CDH12: variants seen among roughly 807,000 people sequenced by gnomAD.
CDH12 encodes cadherin 12.
CDH12 carries 41 observed loss-of-function variants against 74.1 expected under a neutral mutation model. That is an observed-to-expected ratio of 0.55 (90% CI 0.43 to 0.72). CDH12 has a LOEUF of 0.72. Among genes scored for constraint, CDH12 ranks in the 30% least tolerant of loss-of-function variants. The pLI, the probability that CDH12 is intolerant of heterozygous loss-of-function variation, is 0.00. For missense variants in CDH12, 945 were observed against 977.2 expected (o/e 0.97, Z 0.44); for synonymous variants, 399 against 355.0 (o/e 1.12, Z -1.39).
At chr5:22,773,770 CTATA>C (rs1409566047) in intron 1 of CDH12, among the ~76,000 whole-genome samples, 1 of 151,960 alleles carries the variant, frequency 6.6e-6, no homozygotes, top group Non-Finnish European at 1.5e-5. Flanking sequence ...TATCCAGAAT[CTATA>C]AGGAATGTAA....
chr5:22,362,702 C>A (rs1234978446), intron 3 of CDH12, among the ~76,000 whole-genome samples: 3 of 151,732 alleles, frequency 2.0e-5, no homozygotes, highest in Non-Finnish European at 2.9e-5. Context: ...CAATGATAGA[C>A]TGGATTAAGA....
chr5:21,841,957 A>T (rs1313321881), intron 8 of CDH12, among the ~76,000 whole-genome samples: 1 of 151,464 alleles, frequency 6.6e-6, no homozygotes, highest in Admixed American at 6.6e-5. Context: ...ATGTATACAT[A>T]TGTAACTAAC....
intron 1 of CDH12, among the ~76,000 whole-genome samples, chr5:22,761,528 G>A (rs770979761): frequency 3.3e-5 from 5 of 152,186 alleles, no homozygotes; most frequent in African/African-American, 9.6e-5. Flanking sequence ...AAGCAGTAAC[G>A]TCTGCTCTTT....
intron 2 of CDH12, among the ~76,000 whole-genome samples, chr5:22,450,047 A>C (rs1744981452): frequency 6.6e-6 from 1 of 152,092 alleles, no homozygotes; most frequent in Non-Finnish European, 1.5e-5. Context: ...AAACACTCTT[A>C]GCAACTTTCC....
chr5:22,741,502 T>A (rs1258041531), intron 1 of CDH12, among the ~76,000 whole-genome samples: 1 of 152,196 alleles, frequency 6.6e-6, no homozygotes, highest in East Asian at 1.9e-4. Context: ...GTTGTTGTTT[T>A]TAATTCTGAA....
chr5:22,587,977 TC>T (rs1445370126), intron 1 of CDH12, among the ~76,000 whole-genome samples: 1 of 148,668 alleles, frequency 6.7e-6, no homozygotes, highest in Non-Finnish European at 1.5e-5. Flanking sequence ...ATATATAATC[TC>T]CATACATATA....
intron 1 of CDH12, among the ~76,000 whole-genome samples, chr5:22,558,698 A>G (rs1215723236): frequency 6.6e-6 from 1 of 152,070 alleles, no homozygotes; most frequent in East Asian, 1.9e-4. Context: ...GAAATAAAAA[A>G]ATAAGTCTCC....
chr5:21,756,145 TA>T (rs1314881167), intron 13 of CDH12, among the ~76,000 whole-genome samples: 9 of 152,086 alleles, frequency 5.9e-5, no homozygotes, highest in Admixed American at 6.6e-5. Context: ...GCAATCTCAT[TA>T]AAAAATAGTT....
chr5:22,453,866 G>A (rs557206844), intron 2 of CDH12, among the ~76,000 whole-genome samples: 1 of 151,940 alleles, frequency 6.6e-6, no homozygotes, highest in South Asian at 2.1e-4. Flanking sequence ...TTATTACTAA[G>A]TAATCGATTA....
chr5:22,637,566 G>T (rs1738905841), intron 1 of CDH12, among the ~76,000 whole-genome samples: 1 of 152,232 alleles, frequency 6.6e-6, no homozygotes, highest in Non-Finnish European at 1.5e-5. Context: ...ACAGTAAATT[G>T]CCCAGACAGA....
chr5:21,943,426 T>C (rs1295994512), intron 6 of CDH12, among the ~76,000 whole-genome samples: 3 of 152,144 alleles, frequency 2.0e-5, no homozygotes, highest in Non-Finnish European at 4.4e-5. Flanking sequence ...TTTTTTTCCA[T>C]GGAATAAGTA....
intron 5 of CDH12, among the ~76,000 whole-genome samples, chr5:22,030,451 T>C (rs1738737632): frequency 6.6e-6 from 1 of 152,096 alleles, no homozygotes. Flanking sequence ...AGCAGTAATA[T>C]TTTGATAGGA....
At chr5:22,012,067 T>C (rs1451134721) in intron 5 of CDH12, among the ~76,000 whole-genome samples, 1 of 152,076 alleles carries the variant, frequency 6.6e-6, no homozygotes, top group Non-Finnish European at 1.5e-5. Flanking sequence ...TACATACTCT[T>C]ATATAATTAA....
intron 1 of CDH12, among the ~76,000 whole-genome samples, chr5:22,819,960 CACATATATATACATAT>C (rs1229649140): frequency 0.012 from 1,603 of 138,934 alleles, 15 homozygotes; most frequent in African/African-American, 0.014. Flanking sequence ...TATATATATA[CACATATATATACATAT>C]ACATATATAT....
chr5:21,845,031 A>ATAGATAGATAGATAGATAGAT (rs148789214), intron 7 of CDH12, among the ~76,000 whole-genome samples: 2 of 149,888 alleles, frequency 1.3e-5, no homozygotes, highest in African/African-American at 5.0e-5. Context: ...AGATAGATAG[A>ATAGATAGATAGATAGATAGAT]TAGATTAGAT....
intron 1 of CDH12, among the ~76,000 whole-genome samples, chr5:22,629,322 T>C (rs769374839): frequency 6.6e-6 from 1 of 151,802 alleles, no homozygotes; most frequent in Non-Finnish European, 1.5e-5. Context: ...ACACAAAAAC[T>C]GCAGGCCAAA....
intron 6 of CDH12, among the ~76,000 whole-genome samples, chr5:21,945,367 A>G (rs1308895379): frequency 7.1e-6 from 1 of 140,560 alleles, no homozygotes; most frequent in African/African-American, 2.6e-5. Flanking sequence ...TGGAGGTTAC[A>G]GTGAGCCAAG....
At chr5:22,703,510 A>T (rs1161204884) in intron 1 of CDH12, among the ~76,000 whole-genome samples, 1 of 152,166 alleles carries the variant, frequency 6.6e-6, no homozygotes, top group Non-Finnish European at 1.5e-5. Flanking sequence ...TTTTCCCCCA[A>T]AATGAGTGAG....
intron 1 of CDH12, among the ~76,000 whole-genome samples, chr5:22,821,319 C>T (rs1034489296): frequency 2.0e-4 from 31 of 151,994 alleles, no homozygotes; most frequent in Non-Finnish European, 3.1e-4. Context: ...CTTTGAAAAC[C>T]GGCACAAGAC....
Sources: gnomAD v4.1 joint callset for allele counts (sites outside exome capture counted in the v4.1 genomes callset) on GRCh38, gnomAD v4.1.1 for gene constraint, MANE v1.5 for transcripts, NCBI Gene and HGNC (gene_info 2026-07-23, HGNC 2026-07-21) for gene names.